Variants in SLAIN2 observed in about 807,000 individuals in gnomAD.
The protein encoded by SLAIN2 is SLAIN family member 2.
In SLAIN2, 31 loss-of-function variants were observed where a neutral mutation model predicts 56.6. That is an observed-to-expected ratio of 0.55 (90% CI 0.41 to 0.74). SLAIN2 has a LOEUF of 0.74. Among genes scored for constraint, SLAIN2 ranks in the 30% least tolerant of loss-of-function variants. The pLI, the probability that SLAIN2 is intolerant of heterozygous loss-of-function variation, is 0.00. For missense variants in SLAIN2, 777 were observed against 754.2 expected (o/e 1.03, Z -0.35); for synonymous variants, 317 against 284.9 (o/e 1.11, Z -1.13).
At chr4:48,394,673 C>T (rs548322073) in intron 6 of SLAIN2, 126 of 1,531,324 alleles carry the variant, frequency 8.2e-5, no homozygotes, top group Non-Finnish European at 1.0e-4. Flanking sequence ...GCCTCTTACT[C>T]AGTTTAAAAT....
At chr4:48,354,715 C>T (rs1036962029) in intron 1 of SLAIN2, among the ~76,000 whole-genome samples, 2 of 152,104 alleles carry the variant, frequency 1.3e-5, no homozygotes, top group Non-Finnish European at 2.9e-5. Context: ...CCGCCTACCT[C>T]GGCCTCCCAG....
At chr4:48,391,053 C>T (rs1245997386) in intron 6 of SLAIN2, among the ~76,000 whole-genome samples, 4 of 152,212 alleles carry the variant, frequency 2.6e-5, no homozygotes, top group East Asian at 3.9e-4. Flanking sequence ...TCAGTGTCTT[C>T]GCAGTTAAAA....
intron 6 of SLAIN2, among the ~76,000 whole-genome samples, chr4:48,392,449 T>C (rs1398458024): frequency 6.6e-6 from 1 of 152,220 alleles, no homozygotes; most frequent in East Asian, 1.9e-4. Context: ...ATTGAATCCT[T>C]ATTAAACTTT....
At chr4:48,374,898 A>G (rs565677546) in intron 2 of SLAIN2, among the ~76,000 whole-genome samples, 2 of 152,312 alleles carry the variant, frequency 1.3e-5, no homozygotes, top group South Asian at 4.1e-4. Context: ...CCCTTGGAAG[A>G]GAATTAGATG....
chr4:48,379,964 C>A, intron 4 of SLAIN2, 116 bp downstream of exon 4: 5 of 946,104 alleles, frequency 5.3e-6, no homozygotes, highest in Non-Finnish European at 7.5e-6. Context: ...AGAAATGTTG[C>A]AGTGGACATT....
chr4:48,396,590 G>A (rs369917602), intron 6 of SLAIN2, among the ~76,000 whole-genome samples: 31 of 152,286 alleles, frequency 2.0e-4, no homozygotes, highest in African/African-American at 7.0e-4. Flanking sequence ...CTCTTCTCTT[G>A]TGGGGTTGTG....
chr4:48,375,718 A>G (rs1418138498), intron 2 of SLAIN2, among the ~76,000 whole-genome samples: 1 of 152,146 alleles, frequency 6.6e-6, no homozygotes, highest in African/African-American at 2.4e-5. Flanking sequence ...GTAGTGTCTC[A>G]GGCCTTCCAT....
chr4:48,375,924 C>T (rs1715798320), intron 2 of SLAIN2, among the ~76,000 whole-genome samples: 1 of 152,214 alleles, frequency 6.6e-6, no homozygotes, highest in African/African-American at 2.4e-5. Context: ...TCCAAAAAGC[C>T]TTACCCAGTT....
intron 1 of SLAIN2, among the ~76,000 whole-genome samples, chr4:48,365,479 C>T (rs1341039889): frequency 2.7e-5 from 4 of 150,292 alleles, no homozygotes; most frequent in Non-Finnish European, 4.4e-5. Context: ...CTTTTTCCCC[C>T]TATACTTTTC....
intron 7 of SLAIN2, among the ~76,000 whole-genome samples, chr4:48,421,106 C>T (rs1478596123): frequency 6.6e-6 from 1 of 152,096 alleles, no homozygotes; most frequent in Non-Finnish European, 1.5e-5. Context: ...GCCTTGACCT[C>T]CCAGGCTCAA....
intron 6 of SLAIN2, among the ~76,000 whole-genome samples, chr4:48,410,066 C>A (rs1226073423): frequency 6.6e-6 from 1 of 152,216 alleles, no homozygotes; most frequent in Non-Finnish European, 1.5e-5. Flanking sequence ...TACAGTGTCA[C>A]CAGCACTGTA....
intron 1 of SLAIN2, among the ~76,000 whole-genome samples, chr4:48,343,081 C>T (rs1463988373): frequency 6.6e-6 from 1 of 152,270 alleles, no homozygotes. Flanking sequence ...GCTAAAATGT[C>T]TCTGCTCTAT....
Position 48,377,947 on chromosome 4 carries a change from C to G in SLAIN2, c.590C>G (p.Thr197Ser). The change falls in exon 3 of 8, where the codon ACC becomes AGC. Residue 197 changes from threonine to serine, a missense_variant. By Grantham distance (58) the Thr-to-Ser change is moderately conservative (BLOSUM62 1). Transcript: ENST00000264313. ...YNNPFNSMSY[T>S]SPYSPNASSP... ...AATCCTTTCAACTCTATGAGTTACA[C>G]CAGTCCTTACAGTCCAAATGCCAGT... The G allele has an allele frequency of 6.2e-7, 1 of 1,613,926 alleles. No individual in the cohort carries two copies. The highest frequency in any genetic ancestry group is 8.5e-7 in the Non-Finnish European group (1 of 1,179,850).
At chr4:48,370,089 C>A (rs1377748896) in intron 2 of SLAIN2, 92 bp downstream of exon 2, 9 of 1,282,428 alleles carry the variant, frequency 7.0e-6, no homozygotes, top group South Asian at 3.0e-5. Context: ...GGAAGCAATT[C>A]TTTGGAGCAT....
intron 6 of SLAIN2, among the ~76,000 whole-genome samples, chr4:48,386,453 G>C (rs1396922882): frequency 6.6e-6 from 1 of 152,062 alleles, no homozygotes; most frequent in Non-Finnish European, 1.5e-5. Context: ...TCACATCTAT[G>C]GTTTAGACCA....
chr4:48,418,306 T>A (rs113045618), intron 6 of SLAIN2, among the ~76,000 whole-genome samples: 4 of 152,148 alleles, frequency 2.6e-5, no homozygotes, highest in African/African-American at 7.2e-5. Context: ...TTTTTGTAGA[T>A]GTTCTTTATG....
intron 1 of SLAIN2, among the ~76,000 whole-genome samples, chr4:48,347,119 T>C (rs938330562): frequency 2.6e-5 from 4 of 151,858 alleles, no homozygotes; most frequent in Admixed American, 6.6e-5. Context: ...TCTTAAAAAA[T>C]AGAACTTGGC....
At chr4:48,402,792 A>G (rs1716589680) in intron 6 of SLAIN2, among the ~76,000 whole-genome samples, 1 of 152,368 alleles carries the variant, frequency 6.6e-6, no homozygotes, top group Non-Finnish European at 1.5e-5. Context: ...TTGGAGGAGA[A>G]TACAAATTCT....
chr4:48,374,386 G>T (rs902860383), intron 2 of SLAIN2, among the ~76,000 whole-genome samples: 2 of 152,102 alleles, frequency 1.3e-5, no homozygotes. Flanking sequence ...ACAGGTGCCT[G>T]CCACCAGACC....
Sources: gnomAD v4.1 joint callset for allele counts (sites outside exome capture counted in the v4.1 genomes callset) on GRCh38, gnomAD v4.1.1 for gene constraint, MANE v1.5 for transcripts, NCBI Gene and HGNC (gene_info 2026-07-23, HGNC 2026-07-21) for gene names.